The following KIF1B variants were observed in gnomAD, a reference collection of about 807,000 sequenced individuals.
KIF1B encodes the protein kinesin-like protein KIF1B.
KIF1B carries 76 observed loss-of-function variants against 241.9 expected under a neutral mutation model. The ratio of observed to expected loss-of-function variants is 0.31; its 90% CI spans 0.26 to 0.38. The LOEUF (loss-of-function observed/expected upper bound fraction) is 0.38, where lower values mean the gene tolerates loss of function less well. Among genes scored for constraint, KIF1B ranks in the 10% least tolerant of loss-of-function variants. The pLI, the probability that KIF1B is intolerant of heterozygous loss-of-function variation, is 1.00. For synonymous variants in KIF1B, 750 were observed against 796.7 expected, an observed-to-expected ratio of 0.94 and a Z score of 0.99; for missense variants, 1,622 against 2,271.4, an observed-to-expected ratio of 0.71 and a Z score of 5.81.
chr1:10,352,281 A>C (rs1379826671), intron 37 of KIF1B, among the ~76,000 whole-genome samples: 1 of 151,596 alleles, frequency 6.6e-6, no homozygotes, highest in Non-Finnish European at 1.5e-5. Context: ...GTTAGGTGAG[A>C]GTGGAATGGA....
chr1:10,377,396 G>C lies in KIF1B; in HGVS notation c.*809G>C, dbSNP rs1353505521. On this transcript the variant is annotated 3_prime_UTR_variant, in exon 49 of 49. Transcript: ENST00000676179. Reference sequence around the variant, plus strand: ...TCTGGTGGACTTCAGGGGACCCCAGGGTTTGGCCGTGGGCCGTGATGGCAG... The same window carrying C: ...TCTGGTGGACTTCAGGGGACCCCAGCGTTTGGCCGTGGGCCGTGATGGCAG... 8.8e-6 allele frequency: 2 copies of C among 227,704 alleles called. No homozygotes were observed. Among genetic ancestry groups the C allele is most frequent in the Non-Finnish European group, 1.7e-5 (2 of 114,626 alleles). The allele number at this position is 227,704 out of a possible 1,614,324, so 14.1% of individuals were successfully genotyped here.
Position 10,303,427 on chromosome 1 carries a change from G to T in KIF1B, c.2115+6181G>T. 1 of 1,614,210 alleles carries T rather than the reference G, an allele frequency of 6.2e-7. No individual in the cohort carries two copies. Among genetic ancestry groups the T allele is most frequent in the Non-Finnish European group, 8.5e-7 (1 of 1,180,038 alleles). ...TGTCAAAGAGATTTGCTATGAGGTT[G>T]CTCTCAATGACTTCAGGCACAGTCG... On this transcript the variant is annotated intron_variant, in intron 22 of 48. Coordinates refer to ENST00000676179, the MANE Select transcript of KIF1B (RefSeq NM_001365951.3). The surrounding 1 kb of genome is among the most constrained non-coding windows in gnomAD (Gnocchi z 5.2).
At chr1:10,313,852 T>C (rs1326231557) in intron 22 of KIF1B, among the ~76,000 whole-genome samples, 1 of 150,404 alleles carries the variant, frequency 6.6e-6, no homozygotes, top group Non-Finnish European at 1.5e-5. Flanking sequence ...GCTTGGCCAT[T>C]AGGATTTCTT....
intron 22 of KIF1B, chr1:10,304,220 C>A (rs369684761): frequency 3.1e-6 from 5 of 1,613,994 alleles, no homozygotes; most frequent in South Asian, 2.2e-5. Context: ...GGTAAAGGAG[C>A]TTTTAAGGAT....
rs1463703559 is a variant in KIF1B at position 10,337,267 on chromosome 1, T to G, written c.3259+64T>G. ...GACAAAGGGAAAATATTGACCATTA[T>G]CAAGGGACATAGTGGCCTTCATCAA... On this transcript the variant is annotated intron_variant, in intron 30 of 48. Coordinates refer to ENST00000676179, the MANE Select transcript of KIF1B (RefSeq NM_001365951.3). This position sits in a 1 kb window ranked among gnomAD's most constrained non-coding sequence, Gnocchi z 4.0. 1.2e-6 allele frequency: 2 copies of G among 1,613,016 alleles called. No individual in the cohort carries two copies. Among genetic ancestry groups the G allele is most frequent in the Non-Finnish European group, 1.7e-6 (2 of 1,179,124 alleles).
At position 10,378,231 on chromosome 1, in the gene KIF1B, G is replaced by A; in HGVS notation, c.*1644G>A. 1 of 696,196 alleles carries A rather than the reference G, an allele frequency of 1.4e-6. No homozygotes were observed. The highest frequency in any genetic ancestry group is 2.7e-5 in the East Asian group (1 of 37,094). 43.1% of individuals were successfully genotyped at this position (696,196 alleles called of 1,614,324 possible). A position where few individuals can be genotyped will look rare whatever the true frequency, so the allele number is the denominator to read the frequency against. The stretch of plus-strand genomic sequence containing the variant: ...ACGGATGAACGTCCAGGGAGCCCGG[G>A]CCCCAGGCTTTGTTGCGTGTTCCCT... On this transcript the variant is annotated 3_prime_UTR_variant, in exon 49 of 49. Coordinates refer to ENST00000676179, the MANE Select transcript of KIF1B (RefSeq NM_001365951.3).
At chr1:10,307,417 C>G (rs1362493851) in intron 22 of KIF1B, 1 of 488,472 alleles carries the variant, frequency 2.0e-6, no homozygotes, top group Non-Finnish European at 2.7e-6. Flanking sequence ...TCAAGCAATT[C>G]TCCTGTCTCA....
intron 22 of KIF1B, among the ~76,000 whole-genome samples, chr1:10,301,336 T>C (rs1241367096): frequency 6.6e-6 from 1 of 152,048 alleles, no homozygotes; most frequent in Admixed American, 6.6e-5. Context: ...GTGAGTTGAG[T>C]ATTTTTTTTT....
In KIF1B at chr1:10,232,415, G is replaced by T; in HGVS notation, c.87G>T (p.Gln29His). ...GCAAGGAATCCAAATGCATCATTCA[G>T]ATGCAAGGCAACTCGACCAGTGAGT... ...ETSKESKCII[Q>H]MQGNSTSIIN... The change falls in exon 2 of 49, where the codon CAG (glutamine) becomes CAT (histidine). Residue 29 changes from glutamine to histidine, a missense_variant. By Grantham distance (24) the Gln-to-His change is conservative (BLOSUM62 0). Transcript: ENST00000676179. The T allele has an allele frequency of 6.2e-7, 1 of 1,613,492 alleles. No individual in the cohort carries two copies. The highest frequency in any genetic ancestry group is 8.5e-7 in the Non-Finnish European group (1 of 1,179,466).
At chr1:10,266,311 T>A (rs577809101) in intron 5 of KIF1B, among the ~76,000 whole-genome samples, 2 of 152,360 alleles carry the variant, frequency 1.3e-5, no homozygotes, top group South Asian at 4.1e-4. Context: ...GTTGGAAGCC[T>A]GTTGGTTGTT....
chr1:10,348,556 TC>T (rs1652670941), intron 36 of KIF1B, 92 bp from the exon 37 acceptor site: 5 of 888,514 alleles, frequency 5.6e-6, no homozygotes, highest in African/African-American at 1.6e-5. Flanking sequence ...TTCCTGCTCA[TC>T]CCCCATGCCA....
chr1:10,325,292 A>G (rs1651686903), intron 26 of KIF1B, among the ~76,000 whole-genome samples: 1 of 152,190 alleles, frequency 6.6e-6, no homozygotes, highest in African/African-American at 2.4e-5. Flanking sequence ...AAAGCAATTC[A>G]TCCCACTTTA....
At chr1:10,214,657 A>G (rs1332029228) in intron 1 of KIF1B, among the ~76,000 whole-genome samples, 1 of 148,040 alleles carries the variant, frequency 6.8e-6, no homozygotes, top group Non-Finnish European at 1.5e-5. Flanking sequence ...ATCTTGGCTC[A>G]CTGCAACCTC....
chr1:10,376,547 C>T lies in KIF1B; in HGVS notation c.5411C>T (p.Ser1804Leu). Residue 1804 changes from serine (S) to leucine (L), a missense_variant and splice_region_variant, in exon 49 of 49, where the codon TCA becomes TTA. Physicochemically the swap from Ser to Leu is moderately radical, Grantham distance 145 (BLOSUM62 -2). Transcript: ENST00000676179. The part of the protein sequence containing the change: ...FNPLLAGTIR[S>L]KLSRRCPSQS... The stretch of plus-strand genomic sequence containing the variant: ...ACCTCCCCGTTTGTCCCCCATAGGT[C>T]AAAGCTTTCCCGCAGATGCCCGAGC... 5 of 1,613,752 alleles carry T rather than the reference C, an allele frequency of 3.1e-6. No individual in the cohort carries two copies. The highest frequency in any genetic ancestry group is 4.2e-6 in the Non-Finnish European group (5 of 1,179,784).
chr1:10,357,065 A>G (rs1161042651), intron 38 of KIF1B, among the ~76,000 whole-genome samples: 1 of 152,140 alleles, frequency 6.6e-6, no homozygotes, highest in Non-Finnish European at 1.5e-5. Context: ...TTTTTTGTAG[A>G]GACAGGGTCT....
chr1:10,363,451 G>GCCTCCCAAAGCGCT, intron 41 of KIF1B, 107 bp downstream of exon 41: 2 of 941,550 alleles, frequency 2.1e-6, no homozygotes, highest in Non-Finnish European at 3.5e-6. Flanking sequence ...CAGCGCTTTG[G>GCCTCCCAAAGCGCT]GAGGCCAAGG....
chr1:10,329,566 C>G (rs980287193), intron 27 of KIF1B, among the ~76,000 whole-genome samples: 2 of 152,120 alleles, frequency 1.3e-5, no homozygotes, highest in Non-Finnish European at 2.9e-5. Flanking sequence ...AACCTCGTCT[C>G]TACTAAGAAT....
At chr1:10,306,410 T>G in intron 22 of KIF1B, 1 of 1,018,326 alleles carries the variant, frequency 9.8e-7, no homozygotes, top group African/African-American at 1.7e-5. Context: ...GACATAAATG[T>G]GCTAACTATT....
chr1:10,229,450 G>A (rs532514644), intron 1 of KIF1B, among the ~76,000 whole-genome samples: 1 of 152,264 alleles, frequency 6.6e-6, no homozygotes, highest in South Asian at 2.1e-4. Context: ...AACGAGACAG[G>A]AGATCTCTGA....
Sources: gnomAD v4.1 joint callset for allele counts (sites outside exome capture counted in the v4.1 genomes callset) on GRCh38, gnomAD v4.1.1 for gene constraint, Gnocchi (gnomAD v3.1) non-coding constraint, MANE v1.5 for transcripts, NCBI Gene and HGNC (gene_info 2026-07-23, HGNC 2026-07-21) for gene names.